Variants in ADCK5 observed in about 807,000 individuals in gnomAD.
ADCK5 encodes the protein aarF domain containing kinase 5.
Under a neutral mutation model 64.9 loss-of-function variants are expected in ADCK5, and 43 were observed. That is an observed-to-expected ratio of 0.66 (90% CI 0.52 to 0.85). The LOEUF is 0.85. ADCK5 is among the 40% of genes least tolerant of loss of function. The pLI, the probability that ADCK5 is intolerant of heterozygous loss-of-function variation, is 0.00. For missense variants in ADCK5, 760 were observed against 810.5 expected (o/e 0.94, Z 0.76); for synonymous variants, 434 against 342.8 (o/e 1.27, Z -2.94).
In ADCK5 at chr8:144,383,192, G is replaced by A. The variant is rs1819756982; in HGVS notation, c.228G>A (p.Arg76=). 3 of 1,597,568 alleles carry A rather than the reference G, an allele frequency of 1.9e-6. No individual in the cohort carries two copies. In the South Asian group the frequency reaches 3.4e-5, roughly 18 times the overall value. The change falls in exon 3 of 15, where the codon AGG becomes AGA. Residue 76 remains arginine (R), a synonymous_variant. Coordinates refer to ENST00000308860, the MANE Select transcript of ADCK5 (RefSeq NM_174922.5). ...YVMAEAREKR[R]MRLVVDGMGR... ...TGGCAGAGGCACGGGAGAAGAGGAG[G>A]ATGCGGCTCGTGGTGGATGGCATGG...
intron 3 of ADCK5, among the ~76,000 whole-genome samples, chr8:144,388,621 C>T (rs970910892): frequency 1.6e-4 from 24 of 151,954 alleles, no homozygotes; most frequent in Non-Finnish European, 2.5e-4. Context: ...AAAAATTAGC[C>T]GGGCGTGGTG....
chr8:144,390,641 G>A (rs377092408), intron 3 of ADCK5, 30 bp from the exon 4 acceptor site: 40 of 1,608,740 alleles, frequency 2.5e-5, no homozygotes, highest in Non-Finnish European at 3.1e-5. Context: ...AGCCTGCCCC[G>A]CTGGAGACTG....
rs565794754 is a variant in ADCK5 at position 144,392,165 on chromosome 8, G to A, written c.1170G>A (p.Glu390=). 1.9e-6 allele frequency: 3 copies of A among 1,588,820 alleles called. No individual in the cohort carries two copies. Among genetic ancestry groups the A allele is most frequent in the East Asian group, 2.3e-5 (1 of 43,768 alleles). The stretch of plus-strand genomic sequence containing the variant: ...ACCACGGGCTCTACCAGTTCCTGGA[G>A]GAGAAGTGAGCGCGGGTGGGTGGGC... ...LLDHGLYQFL[E]EKDRAALCQL... Residue 390 remains glutamate (E), a synonymous_variant, in exon 11 of 15, where the codon GAG becomes GAA. Coordinates refer to ENST00000308860, the MANE Select transcript of ADCK5 (RefSeq NM_174922.5).
In ADCK5 at chr8:144,392,970, C is replaced by T. The variant is rs1554861661; in HGVS notation, c.1639C>T (p.Leu547=). 2 of 1,587,850 alleles carry T rather than the reference C, an allele frequency of 1.3e-6. No homozygotes were observed. The highest frequency in any genetic ancestry group is 1.8e-5 in the Admixed American group (1 of 56,694). Residue 547 remains leucine (L), a splice_region_variant and synonymous_variant, in exon 15 of 15, where the codon CTG becomes TTG. Coordinates refer to ENST00000308860, the MANE Select transcript of ADCK5 (RefSeq NM_174922.5). ...EMLKFEVALR[L]ETLAMRLTAL... is the part of the protein sequence containing the mutation. ...TGACCTGTGACCTGACCCACGCAGG[C>T]TGGAGACCTTGGCCATGCGGCTGAC...
chr8:144,376,507 C>T lies in ADCK5; in HGVS notation c.12+2400C>T, dbSNP rs1358453965. Among the ~76,000 whole-genome samples the T allele has an allele frequency of 2.6e-5, 4 of 152,210 alleles. No individual in the cohort carries two copies. The highest frequency in any genetic ancestry group is 5.9e-5 in the Non-Finnish European group (4 of 68,036). On this transcript the variant is annotated intron_variant, in intron 1 of 14. Coordinates refer to ENST00000308860, the MANE Select transcript of ADCK5 (RefSeq NM_174922.5). The surrounding 1 kb of genome is among the most constrained non-coding windows in gnomAD (Gnocchi z 5.1). Reference sequence around the variant, plus strand: ...TGGATAAGAATGGGAGTGAGAGACGCAGCTGGAGCCCCTTCTGCAATGCTG... The same window carrying T: ...TGGATAAGAATGGGAGTGAGAGACGTAGCTGGAGCCCCTTCTGCAATGCTG...
At position 144,392,156 on chromosome 8, in the gene ADCK5, G is replaced by A. The variant is rs1350230914; in HGVS notation, c.1161G>A (p.Gln387=). The A allele has an allele frequency of 6.6e-7, 1 of 1,517,706 alleles. No individual in the cohort carries two copies. Among genetic ancestry groups the A allele is most frequent in the Admixed American group, 1.8e-5 (1 of 55,470 alleles). 94.0% of individuals were successfully genotyped at this position (1,517,706 alleles called of 1,614,324 possible). The change falls in exon 11 of 15, where the codon CAG becomes CAA. Residue 387 remains glutamine (Q), a synonymous_variant. Transcript: ENST00000308860. ...ELVLLDHGLY[Q]FLEEKDRAAL... The stretch of plus-strand genomic sequence containing the variant: ...TGCTGCTGGACCACGGGCTCTACCA[G>A]TTCCTGGAGGAGAAGTGAGCGCGGG...
At chr8:144,386,002 C>T (rs996690064) in intron 3 of ADCK5, among the ~76,000 whole-genome samples, 1 of 151,938 alleles carries the variant, frequency 6.6e-6, no homozygotes, top group Admixed American at 6.6e-5. Context: ...TGCTTTCCCC[C>T]ACCGCCCCTT....
At chr8:144,392,418 T>TCCCTCCCCCCCTCCCTCCCTCCCTCCCC in intron 12 of ADCK5, 27 bp from the exon 13 acceptor site, 1 of 799,268 alleles carries the variant, frequency 1.3e-6, no homozygotes, top group African/African-American at 2.6e-5. Context: ...CAGAGCCCCC[T>TCCCTCCCCCCCTCCCTCCCTCCCTCCCC]CCCTCCCTCC....
Position 144,379,453 on chromosome 8 carries a change from G to A in ADCK5, c.79G>A (p.Val27Met). The A allele has an allele frequency of 1.2e-6, 2 of 1,610,104 alleles. No individual in the cohort carries two copies. The highest frequency in any genetic ancestry group is 3.3e-4 in the Middle Eastern group (2 of 6,046). The change falls in exon 2 of 15, where the codon GTG (valine) becomes ATG (methionine). Residue 27 changes from valine (V) to methionine (M), a missense_variant. Val to Met is a conservative substitution (Grantham distance 21, BLOSUM62 1). Coordinates refer to ENST00000308860, the MANE Select transcript of ADCK5 (RefSeq NM_174922.5). ...SRQKPWPSPAVFFRRNVRGLP... is the reference protein window; with the variant it reads ...SRQKPWPSPAMFFRRNVRGLP... ...GCAGAAGCCCTGGCCGTCCCCTGCT[G>A]TGTTCTTCAGGAGAAACGTCAGGGG...
Position 144,392,255 on chromosome 8 carries a change from G to A in ADCK5, c.1177G>A (p.Asp393Asn), listed in dbSNP as rs2130734755. 8 of 1,537,052 alleles carry A rather than the reference G, an allele frequency of 5.2e-6. No homozygotes were observed. In the South Asian group the frequency reaches 8.3e-5, roughly 16 times the overall value. ...GGCTGCGGGCCCATCCACACCCAGGGACCGCGCAGCCCTCTGCCAGCTGTG... is the reference window on the plus strand; with the variant it reads ...GGCTGCGGGCCCATCCACACCCAGGAACCGCGCAGCCCTCTGCCAGCTGTG... ...HGLYQFLEEK[D>N]RAALCQLWRA... The change falls in exon 12 of 15, where the codon GAC (aspartate) becomes AAC (asparagine). Residue 393 changes from aspartate (D) to asparagine (N), a missense_variant and splice_region_variant. Physicochemically the swap from Asp to Asn is conservative, Grantham distance 23. This residue lies in a region of ADCK5 where 333 missense variants were observed against 292.0 expected (regional missense o/e 1.14). Coordinates refer to ENST00000308860, the MANE Select transcript of ADCK5 (RefSeq NM_174922.5).
At chr8:144,387,844 G>C (rs1159278080) in intron 3 of ADCK5, among the ~76,000 whole-genome samples, 1 of 149,536 alleles carries the variant, frequency 6.7e-6, no homozygotes, top group Admixed American at 6.7e-5. Flanking sequence ...CGATTCTCCT[G>C]CCTCAGCCTC....
chr8:144,392,265 C>A lies in ADCK5; in HGVS notation c.1187C>A (p.Ala396Asp). The change falls in exon 12 of 15, where the codon GCC (alanine) becomes GAC (aspartate). Residue 396 changes from alanine (A) to aspartate (D), a missense_variant. Coordinates refer to ENST00000308860, the MANE Select transcript of ADCK5 (RefSeq NM_174922.5). ...YQFLEEKDRA[A>D]LCQLWRAIIL... is the part of the protein sequence containing the mutation. ...CCATCCACACCCAGGGACCGCGCAGCCCTCTGCCAGCTGTGGCGGGCCATC... is the reference window on the plus strand; with the variant it reads ...CCATCCACACCCAGGGACCGCGCAGACCTCTGCCAGCTGTGGCGGGCCATC... 1 of 1,528,336 alleles carries A rather than the reference C, an allele frequency of 6.5e-7. No homozygotes were observed. Among genetic ancestry groups the A allele is most frequent in the Non-Finnish European group, 8.8e-7 (1 of 1,140,826 alleles). 94.7% of individuals were successfully genotyped at this position (1,528,336 alleles called of 1,614,324 possible).
rs1478236367 is a variant in ADCK5, at chr8:144,393,184, G to A, written c.*110G>A. The stretch of plus-strand genomic sequence containing the variant: ...CCGTGGGCACTCGCACTGGGGGGCT[G>A]TGACAGCAGCTGGGCCAGGAGGCCG... On this transcript the variant is annotated 3_prime_UTR_variant, in exon 15 of 15. Coordinates refer to ENST00000308860, the MANE Select transcript of ADCK5 (RefSeq NM_174922.5). 7 of 1,348,038 alleles carry A rather than the reference G, an allele frequency of 5.2e-6. No homozygotes were observed. Among genetic ancestry groups the A allele is most frequent in the Non-Finnish European group, 6.9e-6 (7 of 1,008,430 alleles). The allele number at this position is 1,348,038 out of a possible 1,614,324, so 83.5% of individuals were successfully genotyped here.
chr8:144,392,048 GTCTCA>G, intron 10 of ADCK5, 26 bp downstream of exon 10: 1 of 1,612,258 alleles, frequency 6.2e-7, no homozygotes, highest in Admixed American at 1.7e-5. Flanking sequence ...AGGGGTGGGG[GTCTCA>G]GGGTGGGCGC....
chr8:144,382,305 T>C (rs1470066376), intron 2 of ADCK5, among the ~76,000 whole-genome samples: 1 of 152,270 alleles, frequency 6.6e-6, no homozygotes, highest in Admixed American at 6.5e-5. Flanking sequence ...GAAACAGATG[T>C]GTTCTCAGGC....
At position 144,391,880 on chromosome 8, in the gene ADCK5, G is replaced by T. The variant is rs1295291719; in HGVS notation, c.1014+14G>T. The T allele has an allele frequency of 3.8e-6, 6 of 1,597,448 alleles. No individual in the cohort carries two copies. In the African/African-American group the frequency reaches 5.4e-5, roughly 14 times the overall value. On this transcript the variant is annotated intron_variant, in intron 9 of 14. Transcript: ENST00000308860. ...GCAGTGCATGACGTGAGTGCGGGGG[G>T]GCGGGGGCGGGTCAGGGCGGGCTGG...
chr8:144,379,213 G>A (rs1819496714), intron 1 of ADCK5, among the ~76,000 whole-genome samples, 174 bp from the exon 2 acceptor site: 1 of 152,150 alleles, frequency 6.6e-6, no homozygotes, highest in Non-Finnish European at 1.5e-5. Context: ...GATTAAAGGT[G>A]TGAGCCCCTG....
Position 144,392,133 on chromosome 8 carries a change from C to T in ADCK5, c.1138C>T (p.Leu380=). 6.4e-7 allele frequency: 1 copy of T among 1,560,874 alleles called. No individual in the cohort carries two copies. Among genetic ancestry groups the T allele is most frequent in the Non-Finnish European group, 8.7e-7 (1 of 1,150,382 alleles). Reference sequence around the variant, plus strand: ...CCCGGACGGGAAAGCGGAGCTGGTGCTGCTGGACCACGGGCTCTACCAGTT... The same window carrying T: ...CCCGGACGGGAAAGCGGAGCTGGTGTTGCTGGACCACGGGCTCTACCAGTT... The part of the protein sequence containing the change: ...KGPDGKAELV[L]LDHGLYQFLE... Residue 380 remains leucine, a synonymous_variant, in exon 11 of 15, where the codon CTG becomes TTG. Transcript: ENST00000308860.
Position 144,376,539 on chromosome 8 carries a change from G to C in ADCK5, c.12+2432G>C, listed in dbSNP as rs543870013. 2.0e-3 allele frequency among the ~76,000 whole-genome samples: 302 copies of C among 152,312 alleles called. No homozygotes were observed. The highest frequency in any genetic ancestry group is 6.7e-3 in the African/African-American group (277 of 41,568). On this transcript the variant is annotated intron_variant, in intron 1 of 14. Transcript: ENST00000308860. This position sits in a 1 kb window ranked among gnomAD's most constrained non-coding sequence, Gnocchi z 5.1. ...AGCCCCTTCTGCAATGCTGGTTCCT[G>C]AGGAAAGAGCAGAAAACTGTTGTTG...
Sources: allele counts gnomAD v4.1 joint callset (sites outside exome capture counted in the v4.1 genomes callset), GRCh38; gene constraint gnomAD v4.1.1; regional missense constraint gnomAD v4.1.1; non-coding constraint Gnocchi (gnomAD v3.1); transcripts MANE v1.5; gene names NCBI Gene and HGNC (gene_info 2026-07-23, HGNC 2026-07-21).